The following STK24 variants were observed in gnomAD, a reference collection of about 807,000 sequenced individuals.
The protein encoded by STK24 is serine/threonine-protein kinase 24.
STK24 carries 21 observed loss-of-function variants against 55.6 expected under a neutral mutation model. That is an observed-to-expected ratio of 0.38 (90% CI 0.27 to 0.54). The LOEUF (loss-of-function observed/expected upper bound fraction) is 0.54. STK24 is among the 20% of genes least tolerant of loss of function. The pLI, the probability that STK24 is intolerant of heterozygous loss-of-function variation, is 0.79. For missense variants in STK24, 383 were observed against 538.4 expected, an observed-to-expected ratio of 0.71 and a Z score of 2.86; for synonymous variants, 200 against 215.2, an observed-to-expected ratio of 0.93 and a Z score of 0.62.
In STK24 at chr13:98,450,988, TTGCTCTACGGGGGAAGGGGCTGAGTA is replaced by T. The variant is rs1282072026; in HGVS notation, c.*2159_*2184del. ...CAGTCAACTCTAAAAGAACCACTTG[TTGCTCTACGGGGGAAGGGGCTGAGTA>T]TGATTTGTCTGGCGACTGCAGAGAC... On this transcript the variant is annotated 3_prime_UTR_variant, in exon 11 of 11. Coordinates refer to ENST00000539966, the MANE Select transcript of STK24 (RefSeq NM_001032296.4). The T allele has an allele frequency of 1.3e-5, 2 of 152,234 alleles. No individual in the cohort carries two copies. The highest frequency in any genetic ancestry group is 2.9e-5 in the Non-Finnish European group (2 of 68,060). The allele number at this position is 152,234 out of a possible 1,614,324, so 9.4% of individuals were successfully genotyped here.
chr13:98,447,069 C>CTGACA lies in STK24; in HGVS notation c.*6099_*6103dup. On this transcript the variant is annotated 3_prime_UTR_variant, in exon 11 of 11. Coordinates refer to ENST00000539966, the MANE Select transcript of STK24 (RefSeq NM_001032296.4). Reference sequence around the variant, plus strand: ...CCCTAGACATCTTGCTTGGAGATCTCTGACATAACGTGTCCGGGATGATGA... The same window carrying CTGACA: ...CCCTAGACATCTTGCTTGGAGATCTCTGACATGACATAACGTGTCCGGGATGATGA... The CTGACA allele has an allele frequency of 2.1e-6, 1 of 475,730 alleles. No homozygotes were observed. Among genetic ancestry groups the CTGACA allele is most frequent in the Non-Finnish European group, 3.8e-6 (1 of 261,962 alleles). The allele number at this position is 475,730 out of a possible 1,614,324, so 29.5% of individuals were successfully genotyped here.
chr13:98,501,209 G>A lies in STK24; in HGVS notation c.273+18034C>T, dbSNP rs528205009. Among the ~76,000 whole-genome samples, 6 of 152,340 alleles carry A rather than the reference G, an allele frequency of 3.9e-5. No homozygotes were observed. In the South Asian group the frequency reaches 1.2e-3, roughly 32 times the overall value. ...TCGGGTTCGCTTGCACAGCCTCACC[G>A]CGGAGTCACAGAAGTGGCCTGTGGA... On this transcript the variant is annotated intron_variant, in intron 2 of 10. Coordinates refer to ENST00000539966, the MANE Select transcript of STK24 (RefSeq NM_001032296.4).
intron 3 of STK24, 110 bp downstream of exon 3, chr13:98,482,155 T>C (rs953792003): frequency 8.9e-6 from 5 of 561,684 alleles, no homozygotes; most frequent in African/African-American, 2.0e-5. Flanking sequence ...CCTTTTTTAA[T>C]GCAACTTGAA....
In STK24 at chr13:98,523,880, C is replaced by T. The variant is rs540406372; in HGVS notation, c.43-4407G>A. On this transcript the variant is annotated intron_variant, in intron 1 of 10. Coordinates refer to ENST00000539966, the MANE Select transcript of STK24 (RefSeq NM_001032296.4). ...GGCACTGCCCCAGCGGAGGCCCCGA[C>T]GGCCCATGCTTGACTCTAGGTCAGA... 7.9e-5 allele frequency among the ~76,000 whole-genome samples: 12 copies of T among 152,328 alleles called. No homozygotes were observed. The East Asian group carries it at 2.3e-3, about 29-fold the overall frequency.
intron 2 of STK24, among the ~76,000 whole-genome samples, chr13:98,489,502 G>A (rs1488794875): frequency 6.6e-6 from 1 of 152,214 alleles, no homozygotes; most frequent in Non-Finnish European, 1.5e-5. Context: ...GGAACGCAGA[G>A]TGAGTAACAC....
In STK24 at chr13:98,554,239, C is replaced by G. The variant is rs566538385; in HGVS notation, c.42+22506G>C. Among the ~76,000 whole-genome samples the G allele has an allele frequency of 3.3e-5, 5 of 152,192 alleles. No individual in the cohort carries two copies. In the South Asian group the frequency reaches 1.0e-3, roughly 32 times the overall value. ...AAGGCTGTGAAAAAATAACAACAAA[C>G]GTCCTCATTATTCCAGGAAACCCCC... On this transcript the variant is annotated intron_variant, in intron 1 of 10. Coordinates refer to ENST00000539966, the MANE Select transcript of STK24 (RefSeq NM_001032296.4).
chr13:98,557,614 A>G (rs1897313697), intron 1 of STK24, among the ~76,000 whole-genome samples: 1 of 152,194 alleles, frequency 6.6e-6, no homozygotes, highest in South Asian at 2.1e-4. Context: ...TCTAACCACC[A>G]AACTGTCAAC....
At chr13:98,554,018 C>A (rs1296024577) in intron 1 of STK24, among the ~76,000 whole-genome samples, 2 of 150,200 alleles carry the variant, frequency 1.3e-5, no homozygotes, top group Non-Finnish European at 3.0e-5. Context: ...GCCGAGATCA[C>A]GCCACTGCAC....
At chr13:98,574,768 C>T (rs552697900) in intron 1 of STK24, among the ~76,000 whole-genome samples, 5 of 152,038 alleles carry the variant, frequency 3.3e-5, no homozygotes, top group Non-Finnish European at 7.4e-5. Context: ...CACAACCTAA[C>T]AGATACATAA....
intron 2 of STK24, among the ~76,000 whole-genome samples, chr13:98,503,003 T>C (rs550340397): frequency 2.7e-5 from 4 of 147,850 alleles, no homozygotes; most frequent in South Asian, 4.3e-4. Flanking sequence ...ATAATGAATA[T>C]ATTAGAAATA....
At chr13:98,557,229 A>C (rs905127210) in intron 1 of STK24, among the ~76,000 whole-genome samples, 9 of 152,212 alleles carry the variant, frequency 5.9e-5, no homozygotes, top group African/African-American at 2.2e-4. Context: ...TGACCTAATT[A>C]ATCAGTCACC....
intron 5 of STK24, among the ~76,000 whole-genome samples, chr13:98,467,824 G>A (rs1893979200): frequency 6.6e-6 from 1 of 152,166 alleles, no homozygotes; most frequent in South Asian, 2.1e-4. Flanking sequence ...GACAGCTGAT[G>A]AGACATTGAC....
At chr13:98,464,688 G>C (rs1484673661) in intron 6 of STK24, among the ~76,000 whole-genome samples, 4 of 151,588 alleles carry the variant, frequency 2.6e-5, no homozygotes, top group Non-Finnish European at 5.9e-5. Flanking sequence ...GTAGAAACGG[G>C]ATTTCACCAT....
Position 98,448,227 on chromosome 13 carries a change from G to A in STK24, c.*4946C>T, listed in dbSNP as rs554138579. 96 of 1,612,786 alleles carry A rather than the reference G, an allele frequency of 6.0e-5. 2 individuals are homozygous for A. In the South Asian group the frequency reaches 9.4e-4, roughly 16 times the overall value. ...AAAAGGTTGACTAACTGGCGTTCCC[G>A]TGTTGCAGGTGGATGGAAGTGATCC... On this transcript the variant is annotated 3_prime_UTR_variant, in exon 11 of 11. Transcript: ENST00000539966.
At chr13:98,528,052 G>A (rs1896482237) in intron 1 of STK24, among the ~76,000 whole-genome samples, 1 of 152,084 alleles carries the variant, frequency 6.6e-6, no homozygotes, top group African/African-American at 2.4e-5. Context: ...AAGCTGGAGA[G>A]AGCCGTCTCC....
At chr13:98,457,717 G>A (rs1396239398) in intron 9 of STK24, among the ~76,000 whole-genome samples, 1 of 152,120 alleles carries the variant, frequency 6.6e-6, no homozygotes, top group Non-Finnish European at 1.5e-5. Flanking sequence ...TGATCCGCCC[G>A]CCTCGGCCTC....
chr13:98,531,257 A>C (rs1896572684), intron 1 of STK24, among the ~76,000 whole-genome samples: 1 of 152,110 alleles, frequency 6.6e-6, no homozygotes, highest in African/African-American at 2.4e-5. Context: ...CAAAATCTGA[A>C]AATCAAGCTG....
At position 98,445,857 on chromosome 13, in the gene STK24, G is replaced by GTGTC. The variant is rs10633117; in HGVS notation, c.*7312_*7315dup. On this transcript the variant is annotated 3_prime_UTR_variant, in exon 11 of 11. Coordinates refer to ENST00000539966, the MANE Select transcript of STK24 (RefSeq NM_001032296.4). Reference sequence around the variant, plus strand: ...AGGTACTGGTAGTCAGGACCTCAACGTGTCTTTTGGGGGGACACAGGGACC... The same window carrying GTGTC: ...AGGTACTGGTAGTCAGGACCTCAACGTGTCTGTCTTTTGGGGGGACACAGGGACC... 0.74 allele frequency: 343,396 copies of GTGTC among 464,064 alleles called. 132,368 individuals carry two copies. The highest frequency in any genetic ancestry group is 0.83 in the Non-Finnish European group (212,527 of 256,352). The allele number at this position is 464,064 out of a possible 1,614,324, so 28.7% of individuals were successfully genotyped here.
chr13:98,487,456 T>C (rs1406026107), intron 2 of STK24, among the ~76,000 whole-genome samples: 1 of 152,208 alleles, frequency 6.6e-6, no homozygotes, highest in Non-Finnish European at 1.5e-5. Context: ...CCAAAGTATA[T>C]ACAGTGAGAA....
Sources: allele counts gnomAD v4.1 joint callset (sites outside exome capture counted in the v4.1 genomes callset), GRCh38; gene constraint gnomAD v4.1.1; transcripts MANE v1.5; gene names NCBI Gene and HGNC (gene_info 2026-07-23, HGNC 2026-07-21).